GHR: variants seen among roughly 807,000 people sequenced by gnomAD.
The protein encoded by GHR is GH receptor.
Under a neutral mutation model 67.1 loss-of-function variants are expected in GHR, and 35 were observed. That is an observed-to-expected ratio of 0.52 (90% CI 0.40 to 0.69). The LOEUF (loss-of-function observed/expected upper bound fraction) is 0.69, where lower values mean the gene tolerates loss of function less well. GHR is among the 30% of genes least tolerant of loss of function. GHR has a pLI of 0.00. For synonymous variants in GHR, 272 were observed against 269.1 expected (o/e 1.01, Z -0.10); for missense variants, 792 against 764.6 (o/e 1.04, Z -0.42).
chr5:42,605,058 C>G (rs1308437716), intron 2 of GHR, among the ~76,000 whole-genome samples: 1 of 150,244 alleles, frequency 6.7e-6, no homozygotes, highest in African/African-American at 2.5e-5. Flanking sequence ...AGGTACCTCA[C>G]CAATCAACTT....
intron 1 of GHR, among the ~76,000 whole-genome samples, chr5:42,562,973 A>T (rs372834770): frequency 6.6e-6 from 1 of 152,138 alleles, no homozygotes; most frequent in Non-Finnish European, 1.5e-5. Flanking sequence ...GAAGAAGTGA[A>T]GTTCATTTGC....
At position 42,597,992 on chromosome 5, in the gene GHR, A is replaced by C. The variant is rs1282355729; in HGVS notation, c.71-31046A>C. On this transcript the variant is annotated intron_variant, in intron 2 of 9. Transcript: ENST00000230882. Reference sequence around the variant, plus strand: ...CCTCAGAAATGAGTCAGATAATACTAAAGAAAGGAAGAAAGGAAAGCATGA... The same window carrying C: ...CCTCAGAAATGAGTCAGATAATACTCAAGAAAGGAAGAAAGGAAAGCATGA... 8.5e-5 allele frequency among the ~76,000 whole-genome samples: 13 copies of C among 152,336 alleles called. No homozygotes were observed. In the East Asian group the frequency reaches 2.5e-3, roughly 29 times the overall value.
Position 42,537,688 on chromosome 5 carries a change from C to T in GHR, c.-11-28176C>T, listed in dbSNP as rs1432469620. Among the ~76,000 whole-genome samples the T allele has an allele frequency of 9.2e-5, 14 of 152,166 alleles. No individual in the cohort carries two copies. In the East Asian group the frequency reaches 2.7e-3, roughly 29 times the overall value. ...TTGTTAAGTCCATTTGCTCCAAGTA[C>T]AGTTTAAATCCATTGTTTCTTTGTT... On this transcript the variant is annotated intron_variant, in intron 1 of 9. Coordinates refer to ENST00000230882, the MANE Select transcript of GHR (RefSeq NM_000163.5).
At chr5:42,533,267 T>A (rs1579886236) in intron 1 of GHR, among the ~76,000 whole-genome samples, 2 of 152,262 alleles carry the variant, frequency 1.3e-5, no homozygotes, top group South Asian at 2.1e-4. Context: ...TCTTCTATTA[T>A]CTTTTCTTCT....
chr5:42,547,301 G>A (rs1041182445), intron 1 of GHR, among the ~76,000 whole-genome samples: 3 of 152,112 alleles, frequency 2.0e-5, no homozygotes, highest in South Asian at 2.1e-4. Flanking sequence ...AATCATGAAC[G>A]GTCTTCTTGT....
intron 2 of GHR, among the ~76,000 whole-genome samples, chr5:42,625,220 G>A (rs1283368262): frequency 6.6e-6 from 1 of 152,008 alleles, no homozygotes; most frequent in African/African-American, 2.4e-5. Flanking sequence ...TCAGCTCACT[G>A]TCCAGCACAT....
intron 3 of GHR, among the ~76,000 whole-genome samples, chr5:42,677,488 T>C (rs574174424): frequency 1.1e-4 from 16 of 152,168 alleles, no homozygotes; most frequent in Non-Finnish European, 1.6e-4. Context: ...TGTAATAATA[T>C]AGCAACATCT....
intron 1 of GHR, among the ~76,000 whole-genome samples, chr5:42,496,053 G>A (rs1420359488): frequency 6.6e-6 from 1 of 152,174 alleles, no homozygotes; most frequent in South Asian, 2.1e-4. Flanking sequence ...GCCTGGCTGT[G>A]ATTTAGCCCT....
At chr5:42,565,393 T>C in intron 1 of GHR, 1 of 940,806 alleles carries the variant, frequency 1.1e-6, no homozygotes, top group Non-Finnish European at 1.3e-6. Flanking sequence ...TTGAGCTCTT[T>C]TGTTCACTGG....
At chr5:42,617,686 G>T (rs1753234693) in intron 2 of GHR, among the ~76,000 whole-genome samples, 1 of 152,070 alleles carries the variant, frequency 6.6e-6, no homozygotes, top group African/African-American at 2.4e-5. Flanking sequence ...TCCTTGTTCT[G>T]CCAAAAAGCA....
chr5:42,447,831 T>G (rs917559226), intron 1 of GHR, among the ~76,000 whole-genome samples: 2 of 151,602 alleles, frequency 1.3e-5, no homozygotes, highest in Admixed American at 1.3e-4. Flanking sequence ...TGCCATGATC[T>G]CAGCTCACTG....
Position 42,624,225 on chromosome 5 carries a change from G to T in GHR, c.71-4813G>T, listed in dbSNP as rs541699798. Among the ~76,000 whole-genome samples, 8 of 152,256 alleles carry T rather than the reference G, an allele frequency of 5.3e-5. No individual in the cohort carries two copies. In the South Asian group the frequency reaches 1.7e-3, roughly 32 times the overall value. Reference sequence around the variant, plus strand: ...CTGTTTGCAAAAAGAATTAAATGCTGGTTTGTGAAGATTCAAGGCTGGCCA... The same window carrying T: ...CTGTTTGCAAAAAGAATTAAATGCTTGTTTGTGAAGATTCAAGGCTGGCCA... On this transcript the variant is annotated intron_variant, in intron 2 of 9. Transcript: ENST00000230882.
At chr5:42,522,317 C>T (rs1157760440) in intron 1 of GHR, among the ~76,000 whole-genome samples, 2 of 152,038 alleles carry the variant, frequency 1.3e-5, no homozygotes, top group African/African-American at 4.8e-5. Flanking sequence ...TTAGTATGTA[C>T]CAGAAGAAAT....
intron 1 of GHR, among the ~76,000 whole-genome samples, chr5:42,529,999 C>CTTTTTTTTTTTT (rs376534691): frequency 3.5e-5 from 2 of 57,566 alleles, no homozygotes; most frequent in Non-Finnish European, 3.3e-5. Flanking sequence ...TGAATCACTT[C>CTTTTTTTTTTTT]TTTTTTTTTT....
rs535527030 is a variant in GHR at position 42,659,206 on chromosome 5, G to T, written c.137-29684G>T. ...TATTTTGCTCTCATTTTACACAGGGGAAAACTGGAGCTTAGAGAACTTATG... is the reference window on the plus strand; with the variant it reads ...TATTTTGCTCTCATTTTACACAGGGTAAAACTGGAGCTTAGAGAACTTATG... On this transcript the variant is annotated intron_variant, in intron 3 of 9. Coordinates refer to ENST00000230882, the MANE Select transcript of GHR (RefSeq NM_000163.5). The T allele has an allele frequency of 2.6e-5, 4 of 152,228 alleles. No homozygotes were observed. In the East Asian group the frequency reaches 7.7e-4, roughly 29 times the overall value. 9.4% of individuals were successfully genotyped at this position (152,228 alleles called of 1,614,324 possible).
chr5:42,574,993 G>A (rs923407726), intron 2 of GHR, among the ~76,000 whole-genome samples: 8 of 152,130 alleles, frequency 5.3e-5, no homozygotes, highest in Non-Finnish European at 1.2e-4. Context: ...TATTTCTACA[G>A]TTGGTTGATA....
At chr5:42,609,709 C>A (rs537627816) in intron 2 of GHR, among the ~76,000 whole-genome samples, 6 of 152,066 alleles carry the variant, frequency 3.9e-5, no homozygotes, top group African/African-American at 1.4e-4. Flanking sequence ...TGGGAGAACA[C>A]GAAATTAGGA....
intron 2 of GHR, among the ~76,000 whole-genome samples, chr5:42,617,089 A>T (rs1171897326): frequency 1.3e-5 from 2 of 152,008 alleles, no homozygotes; most frequent in Non-Finnish European, 2.9e-5. Context: ...GAAGCCAAAA[A>T]TAGAGTATGC....
At chr5:42,533,027 A>T (rs1470724762) in intron 1 of GHR, among the ~76,000 whole-genome samples, 1 of 152,126 alleles carries the variant, frequency 6.6e-6, no homozygotes, top group Non-Finnish European at 1.5e-5. Context: ...TCTGCAAAGT[A>T]CTCATACCAG....
Sources: gnomAD v4.1 joint callset for allele counts (sites outside exome capture counted in the v4.1 genomes callset) on GRCh38, gnomAD v4.1.1 for gene constraint, MANE v1.5 for transcripts, NCBI Gene and HGNC (gene_info 2026-07-23, HGNC 2026-07-21) for gene names.